The following MAGEC3 variants were observed in gnomAD, a reference collection of about 807,000 sequenced individuals.
MAGEC3 encodes the protein MAGE family member C3, also known as melanoma-associated antigen C3.
MAGEC3 carries 34 observed loss-of-function variants against 35.3 expected under a neutral mutation model. The ratio of observed to expected loss-of-function variants is 0.96; its 90% CI spans 0.73 to 1.28. The LOEUF (loss-of-function observed/expected upper bound fraction) is 1.28, where lower values mean the gene tolerates loss of function less well. MAGEC3 is among the 50% of genes most tolerant of loss of function. The pLI is 0.00. For synonymous variants in MAGEC3, 202 were observed against 185.6 expected, an observed-to-expected ratio of 1.09 and a Z score of -0.72; for missense variants, 561 against 483.6, an observed-to-expected ratio of 1.16 and a Z score of -1.50.
intron 1 of MAGEC3, among the ~76,000 whole-genome samples, chrX:141,859,332 A>G (rs1212795968): frequency 9.0e-6 from 1 of 111,500 alleles, no homozygotes; most frequent in African/African-American, 3.3e-5. Flanking sequence ...ATGAGTGTAA[A>G]GTGATATCCA....
intron 1 of MAGEC3, among the ~76,000 whole-genome samples, chrX:141,860,728 G>A (rs747013984): frequency 2.0e-4 from 22 of 112,284 alleles, no homozygotes; most frequent in Non-Finnish European, 3.4e-4. Flanking sequence ...TCCTACTTAT[G>A]TGAGGTATCT....
intron 2 of MAGEC3, among the ~76,000 whole-genome samples, chrX:141,878,194 A>G (rs1234609488): frequency 9.0e-6 from 1 of 111,283 alleles, no homozygotes; most frequent in African/African-American, 3.3e-5. Flanking sequence ...TTTTTCTGTC[A>G]TGATTTGATG....
chrX:141,863,491 A>C lies in MAGEC3; in HGVS notation c.124-1980A>C, dbSNP rs2017828358. Among the ~76,000 whole-genome samples the C allele has an allele frequency of 3.6e-5, 4 of 112,057 alleles. No individual in the cohort carries two copies. The South Asian group carries it at 1.5e-3, about 41-fold the overall frequency. On this transcript the variant is annotated intron_variant, in intron 1 of 7. Transcript: ENST00000298296. Reference sequence around the variant, plus strand: ...AAATTTTAGTTAATAATAATATATTAACATACATTCATCAATTGCAGTACG... The same window carrying C: ...AAATTTTAGTTAATAATAATATATTCACATACATTCATCAATTGCAGTACG...
chrX:141,882,780 A>G (rs895201285), intron 4 of MAGEC3, among the ~76,000 whole-genome samples: 1 of 112,092 alleles, frequency 8.9e-6, no homozygotes, highest in African/African-American at 3.2e-5. Context: ...CTATAAAACA[A>G]TAGAGTCTAG....
intron 4 of MAGEC3, among the ~76,000 whole-genome samples, chrX:141,890,841 A>G (rs1447242107): frequency 9.0e-6 from 1 of 111,543 alleles, no homozygotes; most frequent in East Asian, 2.8e-4. Flanking sequence ...AGAAGCCAGT[A>G]TATCATTCCA....
At chrX:141,889,570 G>C (rs1330955568) in intron 4 of MAGEC3, among the ~76,000 whole-genome samples, 1 of 112,069 alleles carries the variant, frequency 8.9e-6, no homozygotes, top group African/African-American at 3.3e-5. Context: ...GATTGACCCG[G>C]GCTATCAAGA....
chrX:141,889,194 A>G (rs894506369), intron 4 of MAGEC3, among the ~76,000 whole-genome samples: 5 of 111,964 alleles, frequency 4.5e-5, no homozygotes, highest in African/African-American at 1.6e-4. Context: ...TACAATGCCA[A>G]CTAGGTGACA....
At chrX:141,859,522 C>T (rs776609233) in intron 1 of MAGEC3, among the ~76,000 whole-genome samples, 136 of 111,229 alleles carry the variant, frequency 1.2e-3, no homozygotes, top group Middle Eastern at 4.7e-3. Flanking sequence ...ATCTTTTGTC[C>T]GTTATCTGTA....
At chrX:141,842,148 TTATAA>T (rs965821420) in intron 1 of MAGEC3, among the ~76,000 whole-genome samples, 1 of 111,681 alleles carries the variant, frequency 9.0e-6, no homozygotes, top group African/African-American at 3.2e-5. Context: ...ATATTACAAA[TTATAA>T]TATTAAGATA....
intron 1 of MAGEC3, among the ~76,000 whole-genome samples, chrX:141,850,657 C>A (rs886455000): frequency 2.7e-5 from 3 of 111,465 alleles, no homozygotes; most frequent in African/African-American, 9.7e-5. Flanking sequence ...ACAAAAATAT[C>A]CAGAATAATG....
intron 1 of MAGEC3, among the ~76,000 whole-genome samples, chrX:141,848,883 A>G (rs952956446): frequency 9.0e-6 from 1 of 111,723 alleles, no homozygotes; most frequent in Non-Finnish European, 1.9e-5. Context: ...TGATGTAATT[A>G]TCATGCATTG....
intron 4 of MAGEC3, among the ~76,000 whole-genome samples, chrX:141,891,807 T>G (rs1028786133): frequency 6.5e-5 from 7 of 108,174 alleles, no homozygotes; most frequent in Non-Finnish European, 1.3e-4. Flanking sequence ...GCCACTTGCC[T>G]TTGCCACTCT....
chrX:141,865,437 G>C, intron 1 of MAGEC3, 34 bp from the exon 2 acceptor site: 2 of 1,187,543 alleles, frequency 1.7e-6, no homozygotes, highest in African/African-American at 1.7e-5. Flanking sequence ...GGTTGCCCCA[G>C]CCTAGTCCTG....
At chrX:141,868,597 A>G (rs533905495) in intron 2 of MAGEC3, among the ~76,000 whole-genome samples, 1 of 111,268 alleles carries the variant, frequency 9.0e-6, no homozygotes. Flanking sequence ...ACTTTGTTTC[A>G]TGGAAGGAAT....
Position 141,895,271 on chromosome X carries a change from C to T in MAGEC3, c.912C>T (p.Pro304=). The T allele has an allele frequency of 8.3e-7, 1 of 1,208,143 alleles. No homozygotes were observed. Among genetic ancestry groups the T allele is most frequent in the South Asian group, 1.8e-5 (1 of 56,750 alleles). ...VIWEVLNAIG[P]WSALAGFADV... is the part of the protein sequence containing the mutation. ...CCCCACGCTGCCTCTGCTGTCAGCC[C>T]TGGTCAGCCTTGGCAGGGTTCGCGG... Residue 304 remains proline, a splice_region_variant and synonymous_variant, in exon 5 of 8, where the codon CCC becomes CCT. Transcript: ENST00000298296.
At chrX:141,862,687 C>T (rs199784538) in intron 1 of MAGEC3, among the ~76,000 whole-genome samples, 1 of 112,202 alleles carries the variant, frequency 8.9e-6, no homozygotes, top group East Asian at 2.8e-4. Flanking sequence ...CACAGAAAGA[C>T]AAATATCACA....
chrX:141,855,123 C>T (rs185535443), intron 1 of MAGEC3, among the ~76,000 whole-genome samples: 62 of 110,877 alleles, frequency 5.6e-4, no homozygotes, highest in African/African-American at 1.9e-3. Context: ...ACAGGTAACA[C>T]GGAAAAATTC....
In MAGEC3 at chrX:141,881,759, CT is replaced by C; in HGVS notation, c.873del (p.Glu292ArgfsTer8). 1 of 1,211,557 alleles carries C rather than the reference CT, an allele frequency of 8.3e-7. No individual in the cohort carries two copies. Among genetic ancestry groups the C allele is most frequent in the Non-Finnish European group, 1.1e-6 (1 of 895,452 alleles). On this transcript the variant is annotated frameshift_variant, in exon 4 of 8. Transcript: ENST00000298296. LOFTEE classifies it high-confidence loss of function. ...ATCTTCATAAAGGGCAACTGTGCAT[CT>C]GAGGAGGTCATCTGGGAAGTGCTGA... is the stretch of plus-strand genomic sequence containing the variant. ...SVIFIKGNCASEEVIWEVLNA... is the reference protein window; with the variant it reads ...SVIFIKGNCAXEEVIWEVLNA...
intron 1 of MAGEC3, among the ~76,000 whole-genome samples, chrX:141,848,506 G>A (rs946015653): frequency 1.8e-5 from 2 of 110,568 alleles, no homozygotes; most frequent in Admixed American, 9.6e-5. Flanking sequence ...AGAGTCAAAC[G>A]AAGAACACAG....
Sources: gnomAD v4.1 joint callset for allele counts (sites outside exome capture counted in the v4.1 genomes callset) on GRCh38, gnomAD v4.1.1 for gene constraint, MANE v1.5 for transcripts, NCBI Gene and HGNC (gene_info 2026-07-23, HGNC 2026-07-21) for gene names.